The following SLCO4C1 variants were observed in gnomAD, a reference collection of about 807,000 sequenced individuals.
The protein encoded by SLCO4C1 is solute carrier organic anion transporter family member 4C1, also known as organic anion transporter M1.
Under a neutral mutation model 72.1 loss-of-function variants are expected in SLCO4C1, and 58 were observed. The observed-to-expected ratio is 0.80, with a 90% CI of 0.65 to 1.00. The LOEUF is 1.00. SLCO4C1 is among the 50% of genes least tolerant of loss of function. The probability of loss-of-function intolerance (pLI) is 0.00; values close to 1 mark genes in which losing one functional copy is unlikely to be tolerated. For missense variants in SLCO4C1, 898 were observed against 857.9 expected (o/e 1.05, Z -0.58); for synonymous variants, 297 against 312.5 (o/e 0.95, Z 0.52).
chr5:102,267,132 G>T (rs1210960719), intron 3 of SLCO4C1, among the ~76,000 whole-genome samples: 3 of 152,036 alleles, frequency 2.0e-5, no homozygotes, highest in Non-Finnish European at 4.4e-5. Context: ...GGGTAATACT[G>T]GTCTCAGAAT....
chr5:102,291,157 C>T (rs750992387), intron 2 of SLCO4C1, among the ~76,000 whole-genome samples, 186 bp downstream of exon 2: 6 of 152,162 alleles, frequency 3.9e-5, no homozygotes, highest in Non-Finnish European at 2.9e-5. Flanking sequence ...ACCACTGAAA[C>T]GATGAATAAT....
At position 102,296,215 on chromosome 5, in the gene SLCO4C1, G is replaced by C. The variant is rs1311876640; in HGVS notation, c.48C>G (p.Ser16Arg). 6.3e-7 allele frequency: 1 copy of C among 1,585,914 alleles called. No homozygotes were observed. The highest frequency in any genetic ancestry group is 1.4e-5 in the African/African-American group (1 of 73,576). Residue 16 changes from serine to arginine, a missense_variant, in exon 1 of 13, where the codon AGC (serine) becomes AGG (arginine). Physicochemically the swap from Ser to Arg is moderately radical, Grantham distance 110. Transcript: ENST00000310954. Reference sequence around the variant, plus strand: ...CAGACAAGCGGCGCAGGATGTCTGGGCTGGAGGGGACAAAAGCCAAGTTCT... The same window carrying C: ...CAGACAAGCGGCGCAGGATGTCTGGCCTGGAGGGGACAAAAGCCAAGTTCT... The part of the protein sequence containing the change: ...GIENLAFVPS[S>R]PDILRRLSAS...
chr5:102,280,479 T>G (rs947860233), intron 2 of SLCO4C1, among the ~76,000 whole-genome samples: 3 of 152,046 alleles, frequency 2.0e-5, no homozygotes, highest in Non-Finnish European at 4.4e-5. Flanking sequence ...AAATGGAGTA[T>G]AAATCCATAT....
At chr5:102,256,139 T>A (rs892179565) in intron 8 of SLCO4C1, among the ~76,000 whole-genome samples, 1 of 152,020 alleles carries the variant, frequency 6.6e-6, no homozygotes, top group Non-Finnish European at 1.5e-5. Context: ...AGGAGGCAGA[T>A]GTTGCCGTGA....
chr5:102,248,757 A>G (rs1748681852), intron 9 of SLCO4C1, among the ~76,000 whole-genome samples: 1 of 152,082 alleles, frequency 6.6e-6, no homozygotes, highest in Non-Finnish European at 1.5e-5. Context: ...AGATCCTTTT[A>G]AAGTTATCAC....
At chr5:102,274,222 A>T (rs1749205375) in intron 2 of SLCO4C1, among the ~76,000 whole-genome samples, 1 of 152,118 alleles carries the variant, frequency 6.6e-6, no homozygotes, top group Non-Finnish European at 1.5e-5. Flanking sequence ...TGTAATTTCA[A>T]CATTAATTAA....
chr5:102,278,484 G>A (rs534996566), intron 2 of SLCO4C1, among the ~76,000 whole-genome samples: 2 of 152,202 alleles, frequency 1.3e-5, no homozygotes, highest in African/African-American at 4.8e-5. Flanking sequence ...TCTACCAACA[G>A]GATCTAACCA....
intron 3 of SLCO4C1, among the ~76,000 whole-genome samples, chr5:102,269,250 A>G (rs1300937180): frequency 3.3e-5 from 5 of 152,124 alleles, no homozygotes; most frequent in East Asian, 1.9e-4. Context: ...ATTTCATTAT[A>G]TGGATTTTCT....
intron 2 of SLCO4C1, among the ~76,000 whole-genome samples, chr5:102,271,286 A>C (rs1749148401): frequency 6.6e-6 from 1 of 151,744 alleles, no homozygotes; most frequent in Non-Finnish European, 1.5e-5. Context: ...CTGTAATTTT[A>C]TTGCCTAGTC....
intron 2 of SLCO4C1, 136 bp from the exon 3 acceptor site, chr5:102,270,942 T>A: frequency 1.3e-6 from 1 of 748,726 alleles, no homozygotes; most frequent in Non-Finnish European, 2.0e-6. Flanking sequence ...TTAAACTATT[T>A]AAAAATACAT....
rs185151138 is a variant in SLCO4C1 at position 102,253,236 on chromosome 5, A to G, written c.1470-3448T>C. ...AAAGTTCCTATAGATTGTCAAGGCA[A>G]CAAAAGAGCAGTGGGGAACAGTGGG... On this transcript the variant is annotated intron_variant, in intron 8 of 12. Transcript: ENST00000310954. Among the ~76,000 whole-genome samples, 1,513 of 152,312 alleles carry G rather than the reference A, an allele frequency of 9.9e-3. 15 individuals are homozygous for G. The highest frequency in any genetic ancestry group is 0.014 in the Non-Finnish European group (969 of 68,022).
intron 7 of SLCO4C1, 44 bp downstream of exon 7, chr5:102,257,899 T>G (rs760721943): frequency 1.3e-6 from 2 of 1,545,196 alleles, no homozygotes; most frequent in Non-Finnish European, 1.8e-6. Flanking sequence ...AAATTTAATA[T>G]AGTAAAGTAA....
At position 102,281,736 on chromosome 5, in the gene SLCO4C1, C is replaced by A. The variant is rs190384288; in HGVS notation, c.619+9607G>T. ...AAACACAACGAGATTTCACTGTACA[C>A]CTATTAGAATGGCTACACCAAATGC... On this transcript the variant is annotated intron_variant, in intron 2 of 12. Transcript: ENST00000310954. 2.1e-3 allele frequency among the ~76,000 whole-genome samples: 324 copies of A among 152,210 alleles called. 4 individuals are homozygous for A. Among genetic ancestry groups the A allele is most frequent in the African/African-American group, 7.6e-3 (314 of 41,546 alleles).
chr5:102,249,757 A>G lies in SLCO4C1; in HGVS notation c.1501T>C (p.Cys501Arg). 3.1e-6 allele frequency: 5 copies of G among 1,613,954 alleles called. No homozygotes were observed. The highest frequency in any genetic ancestry group is 4.2e-6 in the Non-Finnish European group (5 of 1,179,910). ...CGCGAACAGTTACAATTGGCATTAC[A>G]AGGGGCTATCAAGTTTCCCAATTCT... ...TGELGNLIAP[C>R]NANCNCSRSY... Residue 501 changes from cysteine (C) to arginine (R), a missense_variant, in exon 9 of 13, where the codon TGT (cysteine) becomes CGT (arginine). Cys to Arg is a radical substitution (Grantham distance 180, BLOSUM62 -3). Transcript: ENST00000310954.
chr5:102,241,742 A>T (rs191845253), intron 10 of SLCO4C1, among the ~76,000 whole-genome samples: 1 of 152,318 alleles, frequency 6.6e-6, no homozygotes, highest in East Asian at 1.9e-4. Flanking sequence ...AATTGAAAAA[A>T]CAATCCTAAA....
intron 2 of SLCO4C1, 113 bp from the exon 3 acceptor site, chr5:102,270,919 AT>A: frequency 1.2e-6 from 1 of 856,116 alleles, no homozygotes; most frequent in Non-Finnish European, 1.7e-6. Context: ...TCTTCCAATC[AT>A]TTTACTTTGA....
At chr5:102,263,867 G>T in intron 3 of SLCO4C1, 87 bp from the exon 4 acceptor site, 1 of 964,582 alleles carries the variant, frequency 1.0e-6, no homozygotes, top group Admixed American at 2.2e-5. Context: ...TTTTACTACA[G>T]AAAAATCTAA....
In SLCO4C1 at chr5:102,263,786, A is replaced by C; in HGVS notation, c.803-6T>G. ...TGACATAGCATAACCGGTTCCTAGA[A>C]GAAGAACAGAGACATTGAATACAGT... On this transcript the variant is annotated splice_polypyrimidine_tract_variant and splice_region_variant and intron_variant, in intron 3 of 12. Coordinates refer to ENST00000310954, the MANE Select transcript of SLCO4C1 (RefSeq NM_180991.5). The C allele has an allele frequency of 5.0e-6, 8 of 1,604,468 alleles. No individual in the cohort carries two copies. Among genetic ancestry groups the C allele is most frequent in the Non-Finnish European group, 6.8e-6 (8 of 1,172,534 alleles).
chr5:102,283,475 AT>A (rs1749393061), intron 2 of SLCO4C1, among the ~76,000 whole-genome samples: 1 of 152,026 alleles, frequency 6.6e-6, no homozygotes, highest in South Asian at 2.1e-4. Flanking sequence ...AACAGAAAAA[AT>A]ATATTAAAAC....
Sources: gnomAD v4.1 joint callset for allele counts (sites outside exome capture counted in the v4.1 genomes callset) on GRCh38, gnomAD v4.1.1 for gene constraint, MANE v1.5 for transcripts, NCBI Gene and HGNC (gene_info 2026-07-23, HGNC 2026-07-21) for gene names.